PARP2: variants seen among roughly 807,000 people sequenced by gnomAD.
The protein encoded by PARP2 is poly [ADP-ribose] polymerase 2.
PARP2 carries 57 observed loss-of-function variants against 77.8 expected under a neutral mutation model. That is an observed-to-expected ratio of 0.73 (90% CI 0.59 to 0.91). PARP2 has a LOEUF of 0.91. PARP2 is among the 40% of genes least tolerant of loss of function. PARP2 has a pLI of 0.00. For missense variants in PARP2, 651 were observed against 689.0 expected (o/e 0.94, Z 0.62); for synonymous variants, 226 against 242.6 (o/e 0.93, Z 0.64).
chr14:20,350,403 T>C, intron 4 of PARP2, 123 bp from the exon 5 acceptor site: 1 of 542,532 alleles, frequency 1.8e-6, no homozygotes, highest in Non-Finnish European at 3.3e-6. Flanking sequence ...CTAATTTTCT[T>C]GCCTGATGCT....
intron 11 of PARP2, 42 bp from the exon 12 acceptor site, chr14:20,356,265 C>A: frequency 6.2e-7 from 1 of 1,610,710 alleles, no homozygotes; most frequent in South Asian, 1.1e-5. Flanking sequence ...AGCTCAGTCT[C>A]TTGTAGAGTC....
rs747979536 is a variant in PARP2, at chr14:20,354,225, T to A, written c.741T>A (p.Tyr247Ter). Residue 247 changes from tyrosine to a stop codon, truncating the protein, a stop_gained, in exon 8 of 16, where the codon TAT (tyrosine) becomes TAA (stop). Transcript: ENST00000429687. LOFTEE classifies it high-confidence loss of function. Reference protein sequence around the residue: ...AMEEMMMEMKYNTKKAPLGKL... With the variant: ...AMEEMMMEMK ...AAGAAATGATGATGGAAATGAAGTATAATACCAAGAAAGCCCCACTTGGTA... is the reference window on the plus strand; with the variant it reads ...AAGAAATGATGATGGAAATGAAGTAAAATACCAAGAAAGCCCCACTTGGTA... 6.2e-7 allele frequency: 1 copy of A among 1,613,652 alleles called. No individual in the cohort carries two copies. Among genetic ancestry groups the A allele is most frequent in the Non-Finnish European group, 8.5e-7 (1 of 1,179,728 alleles).
rs776390031 is a variant in PARP2, at chr14:20,355,944, AC to A, written c.1015del (p.Gln339LysfsTer30). 1 of 1,614,194 alleles carries A rather than the reference AC, an allele frequency of 6.2e-7. No individual in the cohort carries two copies. Among genetic ancestry groups the A allele is most frequent in the East Asian group, 2.2e-5 (1 of 44,888 alleles). Reference sequence around the variant, plus strand: ...CTATTAAGCTGGTGAAAACAGAGCTACAAAGCCCAGAACACCCATTGGACCA... The same window carrying A: ...CTATTAAGCTGGTGAAAACAGAGCTAAAAGCCCAGAACACCCATTGGACCA... ...IAIKLVKTEL[Q>X]SPEHPLDQHY... On this transcript the variant is annotated frameshift_variant, in exon 11 of 16. Coordinates refer to ENST00000429687, the MANE Select transcript of PARP2 (RefSeq NM_001042618.2). LOFTEE classifies it high-confidence loss of function.
At position 20,357,825 on chromosome 14, in the gene PARP2, T is replaced by C. The variant is rs1351067570; in HGVS notation, c.*28T>C. 1.3e-6 allele frequency: 2 copies of C among 1,594,208 alleles called. No homozygotes were observed. Among genetic ancestry groups the C allele is most frequent in the Non-Finnish European group, 1.7e-6 (2 of 1,168,642 alleles). On this transcript the variant is annotated 3_prime_UTR_variant, in exon 16 of 16. Coordinates refer to ENST00000429687, the MANE Select transcript of PARP2 (RefSeq NM_001042618.2). Reference sequence around the variant, plus strand: ...GTTGATATTAAATAAACCAGAGATCTGATCTTCAAGCAAGAAAATAAGCAG... The same window carrying C: ...GTTGATATTAAATAAACCAGAGATCCGATCTTCAAGCAAGAAAATAAGCAG...
chr14:20,346,843 TTC>T lies in PARP2; in HGVS notation c.274-11_274-10del. The T allele has an allele frequency of 5.8e-6, 9 of 1,559,794 alleles. No individual in the cohort carries two copies. Among genetic ancestry groups the T allele is most frequent in the South Asian group, 1.1e-5 (1 of 89,736 alleles). ...CTGAACCTATACTAATGTTGATTTT[TTC>T]TCTCTCTCCCTTTCTAGGCTCATGT... On this transcript the variant is annotated intron_variant, in intron 3 of 15. Coordinates refer to ENST00000429687, the MANE Select transcript of PARP2 (RefSeq NM_001042618.2).
intron 6 of PARP2, among the ~76,000 whole-genome samples, chr14:20,351,890 A>G (rs1424300238): frequency 6.6e-6 from 1 of 152,214 alleles, no homozygotes; most frequent in African/African-American, 2.4e-5. Context: ...ATATTCAGTT[A>G]GAATTTTTAA....
intron 9 of PARP2, chr14:20,355,230 G>A: frequency 7.0e-6 from 2 of 286,904 alleles, no homozygotes; most frequent in Admixed American, 9.7e-5. Flanking sequence ...ACACCTTCAG[G>A]CATATCACCC....
At chr14:20,350,993 G>C in intron 5 of PARP2, 54 bp from the exon 6 acceptor site, 1 of 1,342,966 alleles carries the variant, frequency 7.4e-7, no homozygotes, top group Non-Finnish European at 1.1e-6. Flanking sequence ...AGATCTTGGA[G>C]AGCTGGCCTG....
rs1883743613 is a variant in PARP2, at chr14:20,346,875, T to A, written c.286T>A (p.Cys96Ser). 1 of 1,605,662 alleles carries A rather than the reference T, an allele frequency of 6.2e-7. No homozygotes were observed. Among genetic ancestry groups the A allele is most frequent in the Admixed American group, 1.7e-5 (1 of 59,994 alleles). Residue 96 changes from cysteine (C) to serine (S), a missense_variant, in exon 4 of 16, where the codon TGT becomes AGT. Coordinates refer to ENST00000429687, the MANE Select transcript of PARP2 (RefSeq NM_001042618.2). ...TAKVGKAHVY[C>S]EGNDVYDVML... ...TCTCCCTTTCTAGGCTCATGTGTAT[T>A]GTGAAGGAAATGATGTCTATGATGT...
intron 4 of PARP2, among the ~76,000 whole-genome samples, chr14:20,347,388 A>ATTTT (rs1883794852): frequency 6.6e-5 from 1 of 15,162 alleles, no homozygotes; most frequent in African/African-American, 2.8e-4. Context: ...ATATATATAT[A>ATTTT]TATATATATA....
intron 5 of PARP2, 137 bp from the exon 6 acceptor site, chr14:20,350,910 C>T (rs1883930247): frequency 3.0e-6 from 2 of 670,004 alleles, no homozygotes; most frequent in South Asian, 3.8e-5. Context: ...CTTGTATCAA[C>T]ATGATTAGTT....
chr14:20,346,036 G>T (rs1323214487), intron 3 of PARP2, among the ~76,000 whole-genome samples: 2 of 152,158 alleles, frequency 1.3e-5, no homozygotes, highest in Non-Finnish European at 2.9e-5. Flanking sequence ...TTCCATGATT[G>T]AATCACTTCC....
At chr14:20,346,961 C>A in intron 4 of PARP2, 48 bp downstream of exon 4, 3 of 1,135,816 alleles carry the variant, frequency 2.6e-6, no homozygotes, top group Non-Finnish European at 4.0e-6. Flanking sequence ...AGACCATCTT[C>A]TTGATAATTA....
At chr14:20,357,261 C>T in intron 14 of PARP2, 112 bp downstream of exon 14, 1 of 1,318,224 alleles carries the variant, frequency 7.6e-7, no homozygotes, top group Non-Finnish European at 1.1e-6. Flanking sequence ...TGAGAGAGGA[C>T]CAAGTACAAT....
Position 20,356,594 on chromosome 14 carries a change from C to T in PARP2, c.1234C>T (p.Leu412Phe). 1 of 1,613,672 alleles carries T rather than the reference C, an allele frequency of 6.2e-7. No individual in the cohort carries two copies. The highest frequency in any genetic ancestry group is 1.1e-5 in the South Asian group (1 of 91,080). ...AFREDLHNRM[L>F]LWHGSRMSNW... Reference sequence around the variant, plus strand: ...ATAATATTGGCTTTTCCTTAGGATGCTTCTATGGCATGGTTCCAGGATGAG... The same window carrying T: ...ATAATATTGGCTTTTCCTTAGGATGTTTCTATGGCATGGTTCCAGGATGAG... Residue 412 changes from leucine to phenylalanine, a missense_variant, in exon 13 of 16, where the codon CTT becomes TTT. Transcript: ENST00000429687.
chr14:20,357,443 C>T lies in PARP2; in HGVS notation c.1476C>T (p.Ala492=), dbSNP rs747487302. ...AACTACTAGAGGCCAATCCTAAGGC[C>T]GAAGGATTGCTTCAAGGTAAACATA... The part of the protein sequence containing the change: ...CNELLEANPK[A]EGLLQGKHST... The change falls in exon 15 of 16, where the codon GCC becomes GCT. Residue 492 remains alanine (A), a synonymous_variant. Coordinates refer to ENST00000429687, the MANE Select transcript of PARP2 (RefSeq NM_001042618.2). 6.2e-6 allele frequency: 10 copies of T among 1,613,776 alleles called. No individual in the cohort carries two copies. The highest frequency in any genetic ancestry group is 5.5e-5 in the South Asian group (5 of 91,054).
At position 20,351,044 on chromosome 14, in the gene PARP2, C is replaced by A; in HGVS notation, c.422-3C>A. On this transcript the variant is annotated splice_region_variant and splice_polypyrimidine_tract_variant and intron_variant, in intron 5 of 15. Coordinates refer to ENST00000429687, the MANE Select transcript of PARP2 (RefSeq NM_001042618.2). The stretch of plus-strand genomic sequence containing the variant: ...TATCTTATGTGTGGCATTTCCTTTG[C>A]AGTTGGGAAAATGGGACAGCACAGC... The A allele has an allele frequency of 6.2e-7, 1 of 1,612,412 alleles. No individual in the cohort carries two copies. Among genetic ancestry groups the A allele is most frequent in the Non-Finnish European group, 8.5e-7 (1 of 1,178,610 alleles).
At position 20,345,191 on chromosome 14, in the gene PARP2, A is replaced by G. The variant is rs1008367026; in HGVS notation, c.202+104A>G. 3 of 1,321,490 alleles carry G rather than the reference A, an allele frequency of 2.3e-6. No individual in the cohort carries two copies. The African/African-American group carries it at 4.4e-5, about 19-fold the overall frequency. 81.9% of individuals were successfully genotyped at this position (1,321,490 alleles called of 1,614,324 possible). A position where few individuals can be genotyped will look rare whatever the true frequency, so the allele number is the denominator to read the frequency against. ...TCCTATTTCGTCCTTCTTTCAGGGA[A>G]TAATTAATTTCTCTATCCTTTGGGC... On this transcript the variant is annotated intron_variant, in intron 2 of 15. Coordinates refer to ENST00000429687, the MANE Select transcript of PARP2 (RefSeq NM_001042618.2).
At position 20,356,322 on chromosome 14, in the gene PARP2, C is replaced by G. The variant is rs1884149766; in HGVS notation, c.1117C>G (p.Leu373Val). The change falls in exon 12 of 16, where the codon CTA (leucine) becomes GTA (valine). Residue 373 changes from leucine to valine, a missense_variant. Physicochemically the swap from Leu to Val is conservative, Grantham distance 32 (BLOSUM62 1). Transcript: ENST00000429687. ...TTTTTCACAGGTGATTTCCCAGTAC[C>G]TACAATCTACCCATGCTCCCACACA... ...SYEFKVISQY[L>V]QSTHAPTHSD... is the part of the protein sequence containing the mutation. 1.2e-6 allele frequency: 2 copies of G among 1,614,088 alleles called. No homozygotes were observed. Among genetic ancestry groups the G allele is most frequent in the Non-Finnish European group, 1.7e-6 (2 of 1,179,962 alleles).
Sources: gnomAD v4.1 joint callset for allele counts (sites outside exome capture counted in the v4.1 genomes callset) on GRCh38, gnomAD v4.1.1 for gene constraint, MANE v1.5 for transcripts, NCBI Gene and HGNC (gene_info 2026-07-23, HGNC 2026-07-21) for gene names.